DSCAM: variants seen among roughly 807,000 people sequenced by gnomAD.
The protein encoded by DSCAM is cell adhesion molecule DSCAM.
Under a neutral mutation model 217.7 loss-of-function variants are expected in DSCAM, and 47 were observed. That is an observed-to-expected ratio of 0.22 (90% CI 0.17 to 0.28). DSCAM has a LOEUF of 0.28. DSCAM is among the 10% of genes least tolerant of loss of function. DSCAM has a pLI of 1.00. For missense variants in DSCAM, 2,080 were observed against 2,618.3 expected (o/e 0.79, Z 4.49); for synonymous variants, 1,056 against 1,015.3 (o/e 1.04, Z -0.76).
At chr21:40,592,642 C>G (rs995493149) in intron 3 of DSCAM, among the ~76,000 whole-genome samples, 1 of 152,154 alleles carries the variant, frequency 6.6e-6, no homozygotes, top group Non-Finnish European at 1.5e-5. Flanking sequence ...CTTCTTCCTT[C>G]ACATTCAAGT....
intron 11 of DSCAM, among the ~76,000 whole-genome samples, chr21:40,196,467 GATTT>G (rs1245512755): frequency 1.3e-5 from 2 of 152,092 alleles, no homozygotes; most frequent in African/African-American, 2.4e-5. Context: ...GTTATGCATG[GATTT>G]ATTTAAGTTT....
chr21:40,739,792 T>C (rs2091104252), intron 1 of DSCAM, among the ~76,000 whole-genome samples: 1 of 151,856 alleles, frequency 6.6e-6, no homozygotes, highest in African/African-American at 2.4e-5. Context: ...TTTTTTTTTT[T>C]TTTTCCCCCA....
chr21:40,705,290 A>T (rs1277023847), intron 2 of DSCAM, among the ~76,000 whole-genome samples: 1 of 152,194 alleles, frequency 6.6e-6, no homozygotes, highest in East Asian at 1.9e-4. Flanking sequence ...CTTTATCCCA[A>T]AGCATAAGGC....
At chr21:40,263,168 A>G (rs2073476815) in intron 11 of DSCAM, among the ~76,000 whole-genome samples, 1 of 152,228 alleles carries the variant, frequency 6.6e-6, no homozygotes, top group African/African-American at 2.4e-5. Flanking sequence ...CCAGAAAACT[A>G]AAGACAATAA....
chr21:40,077,845 A>G (rs1371929702), intron 26 of DSCAM, among the ~76,000 whole-genome samples: 1 of 152,098 alleles, frequency 6.6e-6, no homozygotes, highest in Non-Finnish European at 1.5e-5. Flanking sequence ...TGGAGTTCCA[A>G]CTCATCCTGA....
rs551208241 is a variant in DSCAM at position 40,464,753 on chromosome 21, T to C, written c.509-95508A>G. Among the ~76,000 whole-genome samples, 8 of 151,978 alleles carry C rather than the reference T, an allele frequency of 5.3e-5. No homozygotes were observed. In the East Asian group the frequency reaches 1.5e-3, roughly 29 times the overall value. The stretch of plus-strand genomic sequence containing the variant: ...TCTCCCCAGAACCATCTTTTTTTTT[T>C]TTTTTTGAAGCAGAGTCTCGCTCTG... On this transcript the variant is annotated intron_variant, in intron 3 of 32. Coordinates refer to ENST00000400454, the MANE Select transcript of DSCAM (RefSeq NM_001389.5).
At chr21:40,364,811 C>T (rs1012394766) in intron 4 of DSCAM, among the ~76,000 whole-genome samples, 1 of 147,590 alleles carries the variant, frequency 6.8e-6, no homozygotes, top group Non-Finnish European at 1.5e-5. Context: ...CACTAAGGCA[C>T]ATCTGTTCTC....
At chr21:40,611,852 T>C (rs2089320257) in intron 3 of DSCAM, among the ~76,000 whole-genome samples, 2 of 126,142 alleles carry the variant, frequency 1.6e-5, no homozygotes, top group Non-Finnish European at 3.5e-5. Flanking sequence ...ACAGGGAAGC[T>C]TGACTGCACC....
rs536114434 is a variant in DSCAM, at chr21:40,824,403, A to ATTTTTTTTT, written c.43+22207_43+22215dup. 3.0e-3 allele frequency among the ~76,000 whole-genome samples: 364 copies of ATTTTTTTTT among 120,966 alleles called. 24 individuals are homozygous for ATTTTTTTTT. The highest frequency in any genetic ancestry group is 0.012 in the African/African-American group (342 of 28,688). 79.4% of individuals were successfully genotyped at this position (120,966 alleles called of 152,430 possible). A position where few individuals can be genotyped will look rare whatever the true frequency, so the allele number is the denominator to read the frequency against. On this transcript the variant is annotated intron_variant, in intron 1 of 32. Transcript: ENST00000400454. ...GCTCCCTATCCCATTTTTATTATTG[A>ATTTTTTTTT]TTTTTTTTTTTTTTTTTGGAGACAG...
chr21:40,768,475 C>T (rs1999329), intron 1 of DSCAM, among the ~76,000 whole-genome samples: 69,012 of 152,104 alleles, frequency 0.45, 16,689 homozygotes, highest in African/African-American at 0.61. Context: ...TTTCACTAAC[C>T]GAAAGCATTC....
intron 3 of DSCAM, among the ~76,000 whole-genome samples, chr21:40,648,593 C>T (rs570906745): frequency 1.3e-4 from 20 of 152,178 alleles, no homozygotes; most frequent in African/African-American, 4.6e-4. Flanking sequence ...TGATCCCCAC[C>T]CTTCATCTAT....
chr21:40,386,700 T>G (rs2075088985), intron 3 of DSCAM, among the ~76,000 whole-genome samples: 1 of 152,242 alleles, frequency 6.6e-6, no homozygotes, highest in Admixed American at 6.5e-5. Flanking sequence ...ACTTCTTGGG[T>G]TTTGATAGAA....
chr21:40,621,334 C>T (rs775712031), intron 3 of DSCAM: 8 of 152,176 alleles, frequency 5.3e-5, no homozygotes, highest in Non-Finnish European at 1.2e-4. Context: ...CAGGCATTCT[C>T]GTGAACTCCT....
At chr21:40,381,489 A>G (rs139646535) in intron 3 of DSCAM, among the ~76,000 whole-genome samples, 2 of 152,302 alleles carry the variant, frequency 1.3e-5, no homozygotes, top group East Asian at 3.9e-4. Flanking sequence ...TTAAAAAGCA[A>G]CACATACAAA....
chr21:40,511,571 G>A lies in DSCAM; in HGVS notation c.509-142326C>T, dbSNP rs148407937. On this transcript the variant is annotated intron_variant, in intron 3 of 32. Transcript: ENST00000400454. Reference sequence around the variant, plus strand: ...ACTAGAATCACTAATGTTGTTTTCAGTTCTAATATTCATGAGTCTACAAAT... The same window carrying A: ...ACTAGAATCACTAATGTTGTTTTCAATTCTAATATTCATGAGTCTACAAAT... Among the ~76,000 whole-genome samples, 11 of 152,276 alleles carry A rather than the reference G, an allele frequency of 7.2e-5. No homozygotes were observed. In the East Asian group the frequency reaches 2.1e-3, roughly 29 times the overall value.
intron 27 of DSCAM, among the ~76,000 whole-genome samples, chr21:40,066,179 G>A (rs970260123): frequency 3.3e-5 from 5 of 152,190 alleles, no homozygotes; most frequent in Non-Finnish European, 7.3e-5. Context: ...GTGCCCACCT[G>A]TTTTCGGGTT....
intron 16 of DSCAM, 87 bp downstream of exon 16, chr21:40,167,131 A>C (rs2090603798): frequency 7.7e-6 from 9 of 1,174,926 alleles, no homozygotes; most frequent in Middle Eastern, 2.0e-4. Context: ...GTAAAATTCG[A>C]GAGTCTTGGT....
intron 3 of DSCAM, among the ~76,000 whole-genome samples, chr21:40,524,900 C>T (rs2076388094): frequency 6.6e-6 from 1 of 150,818 alleles, no homozygotes; most frequent in Non-Finnish European, 1.5e-5. Context: ...ATCCCAGCTA[C>T]TCAGGAGACT....
intron 19 of DSCAM, among the ~76,000 whole-genome samples, chr21:40,125,414 C>A (rs2090083267): frequency 1.3e-5 from 2 of 152,154 alleles, no homozygotes; most frequent in South Asian, 2.1e-4. Flanking sequence ...ATATGGAGGG[C>A]AACCACATTG....
Sources: gnomAD v4.1 joint callset for allele counts (sites outside exome capture counted in the v4.1 genomes callset) on GRCh38, gnomAD v4.1.1 for gene constraint, MANE v1.5 for transcripts, NCBI Gene and HGNC (gene_info 2026-07-23, HGNC 2026-07-21) for gene names.